C6orf89: variants seen among roughly 807,000 people sequenced by gnomAD.
The protein encoded by C6orf89 is chromosome 6 open reading frame 89, also known as bombesin receptor-activated protein C6orf89.
In C6orf89, 29 loss-of-function variants were observed where a neutral mutation model predicts 40.7. The observed-to-expected ratio is 0.71, with a 90% CI of 0.53 to 0.97. The LOEUF (loss-of-function observed/expected upper bound fraction) is 0.97. Ranked by LOEUF, C6orf89 falls within the 50% of genes least tolerant of loss-of-function variation. C6orf89 has a pLI of 0.00. For synonymous variants in C6orf89, 165 were observed against 152.2 expected, an observed-to-expected ratio of 1.08 and a Z score of -0.62; for missense variants, 392 against 429.1, an observed-to-expected ratio of 0.91 and a Z score of 0.76.
rs555105861 is a variant in C6orf89 at position 36,922,549 on chromosome 6, T to C, written c.950-798T>C. Reference sequence around the variant, plus strand: ...GACCAGAAGGCCTTTGAAAAGACCCTTGGCAAGTAGGGTCTCGAGTCAGTC... The same window carrying C: ...GACCAGAAGGCCTTTGAAAAGACCCCTGGCAAGTAGGGTCTCGAGTCAGTC... On this transcript the variant is annotated intron_variant, in intron 8 of 8. Transcript: ENST00000480824. Among the ~76,000 whole-genome samples, 5 of 152,296 alleles carry C rather than the reference T, an allele frequency of 3.3e-5. No homozygotes were observed. In the East Asian group the frequency reaches 9.6e-4, roughly 29 times the overall value.
chr6:36,899,948 C>T (rs9688391), intron 3 of C6orf89, among the ~76,000 whole-genome samples: 5,965 of 152,236 alleles, frequency 0.039, 363 homozygotes, highest in African/African-American at 0.13. Context: ...AGTGCAATGG[C>T]GCAATCTCGG....
chr6:36,874,219 C>A (rs1256814154), intron 1 of C6orf89, among the ~76,000 whole-genome samples: 2 of 152,152 alleles, frequency 1.3e-5, no homozygotes, highest in Admixed American at 1.3e-4. Flanking sequence ...GGGCATGGCG[C>A]CAGCAGGTTG....
At chr6:36,923,174 T>A (rs1357823863) in intron 8 of C6orf89, among the ~76,000 whole-genome samples, 173 bp from the exon 9 acceptor site, 5 of 150,712 alleles carry the variant, frequency 3.3e-5, no homozygotes, top group Admixed American at 2.6e-4. Flanking sequence ...TCTTAAAAAA[T>A]AAAAAAGGAA....
Position 36,917,087 on chromosome 6 carries a change from A to G in C6orf89, c.825+513A>G, listed in dbSNP as rs376151595. Among the ~76,000 whole-genome samples, 10 of 152,300 alleles carry G rather than the reference A, an allele frequency of 6.6e-5. No individual in the cohort carries two copies. The East Asian group carries it at 1.9e-3, about 29-fold the overall frequency. ...GAAAAGAAAGCTATAAGGTAATAGTATGTGGATGAATAGAATAACTGCTCC... is the reference window on the plus strand; with the variant it reads ...GAAAAGAAAGCTATAAGGTAATAGTGTGTGGATGAATAGAATAACTGCTCC... On this transcript the variant is annotated intron_variant, in intron 7 of 8. Transcript: ENST00000480824.
At chr6:36,878,440 T>A (rs1193327726) in intron 1 of C6orf89, among the ~76,000 whole-genome samples, 1 of 152,208 alleles carries the variant, frequency 6.6e-6, no homozygotes, top group Non-Finnish European at 1.5e-5. Flanking sequence ...CCATTCCTTA[T>A]CTGTAAAATC....
At chr6:36,888,631 T>A (rs1225268698) in intron 1 of C6orf89, among the ~76,000 whole-genome samples, 2 of 152,014 alleles carry the variant, frequency 1.3e-5, no homozygotes, top group Non-Finnish European at 2.9e-5. Context: ...AGACCCTGTC[T>A]CAGAAAATAA....
intron 4 of C6orf89, among the ~76,000 whole-genome samples, chr6:36,912,878 C>A (rs897090777): frequency 6.6e-6 from 1 of 152,186 alleles, no homozygotes; most frequent in Non-Finnish European, 1.5e-5. Context: ...TACTGCCAAC[C>A]ACAGAAAATG....
In C6orf89 at chr6:36,899,680, G is replaced by A. The variant is rs761267207; in HGVS notation, c.189+47G>A. 2.6e-6 allele frequency: 4 copies of A among 1,548,900 alleles called. No homozygotes were observed. In the South Asian group the frequency reaches 4.5e-5, roughly 17 times the overall value. The stretch of plus-strand genomic sequence containing the variant: ...TAATTGCTTCAACAGAACACAAACT[G>A]TTCAACATTCTTCACAAATGCTATT... On this transcript the variant is annotated intron_variant, in intron 3 of 8. Transcript: ENST00000480824.
intron 1 of C6orf89, among the ~76,000 whole-genome samples, chr6:36,876,724 C>CAAA (rs71540176): frequency 3.3e-3 from 306 of 91,914 alleles, no homozygotes; most frequent in South Asian, 7.7e-3. Context: ...AACTCCATCT[C>CAAA]AAAAAAAAAA....
intron 1 of C6orf89, among the ~76,000 whole-genome samples, chr6:36,886,460 G>C (rs900848498): frequency 2.0e-5 from 3 of 152,126 alleles, no homozygotes; most frequent in African/African-American, 7.2e-5. Context: ...TTCTTTAAAT[G>C]TGTACTTGGT....
intron 1 of C6orf89, 142 bp downstream of exon 1, chr6:36,886,170 C>G: frequency 1.3e-6 from 1 of 782,560 alleles, no homozygotes; most frequent in Non-Finnish European, 1.7e-6. Context: ...TTCTCAGTCT[C>G]TCCAGTTTTG....
chr6:36,915,725 G>A (rs1356094788), intron 6 of C6orf89, among the ~76,000 whole-genome samples: 3 of 151,788 alleles, frequency 2.0e-5, no homozygotes. Context: ...AAAGGTTGGG[G>A]GAGGGGGAAA....
At chr6:36,898,339 G>A (rs1761526413) in intron 2 of C6orf89, among the ~76,000 whole-genome samples, 1 of 151,006 alleles carries the variant, frequency 6.6e-6, no homozygotes, top group African/African-American at 2.4e-5. Context: ...GAGTGCAATG[G>A]CGTGATCTCG....
At chr6:36,900,105 T>C (rs1459211648) in intron 3 of C6orf89, among the ~76,000 whole-genome samples, 2 of 151,712 alleles carry the variant, frequency 1.3e-5, no homozygotes. Flanking sequence ...CAGGCTGGTC[T>C]TGAACTCCTG....
rs147237659 is a variant in C6orf89 at position 36,916,455 on chromosome 6, C to T, written c.706C>T (p.Leu236=). The T allele has an allele frequency of 1.2e-6, 2 of 1,614,174 alleles. No homozygotes were observed. Among genetic ancestry groups the T allele is most frequent in the East Asian group, 4.5e-5 (2 of 44,888 alleles). The change falls in exon 7 of 9, where the codon CTG becomes TTG. Residue 236 remains leucine, a synonymous_variant. Coordinates refer to ENST00000480824, the MANE Select transcript of C6orf89 (RefSeq NM_001286635.2). ...FPFPYPWRRP[L]NRSQMLRELF... is the part of the protein sequence containing the mutation. ...TTCATACTTCTACAGGAGGAGACCT[C>T]TGAACAGATCACAAATGTTACGTGA...
At chr6:36,913,541 G>A (rs1286286610) in intron 4 of C6orf89, among the ~76,000 whole-genome samples, 1 of 152,178 alleles carries the variant, frequency 6.6e-6, no homozygotes, top group Non-Finnish European at 1.5e-5. Flanking sequence ...AGGGCACAGC[G>A]ATAATAGGGG....
chr6:36,918,099 C>G (rs1762390556), intron 7 of C6orf89, among the ~76,000 whole-genome samples: 1 of 152,218 alleles, frequency 6.6e-6, no homozygotes, highest in Non-Finnish European at 1.5e-5. Context: ...GCCCTGGGCC[C>G]TGTTAAAGTC....
At chr6:36,911,540 C>G (rs1300243775) in intron 4 of C6orf89, among the ~76,000 whole-genome samples, 1 of 152,052 alleles carries the variant, frequency 6.6e-6, no homozygotes. Flanking sequence ...TAAAATAATT[C>G]TCCTAACTCT....
chr6:36,886,270 C>T (rs957894586), intron 1 of C6orf89, among the ~76,000 whole-genome samples: 5 of 152,188 alleles, frequency 3.3e-5, no homozygotes, highest in African/African-American at 9.6e-5. Context: ...GAGAGCAAAA[C>T]GAGGTGGACC....
Sources: gnomAD v4.1 joint callset for allele counts (sites outside exome capture counted in the v4.1 genomes callset) on GRCh38, gnomAD v4.1.1 for gene constraint, MANE v1.5 for transcripts, NCBI Gene and HGNC (gene_info 2026-07-23, HGNC 2026-07-21) for gene names.